Variants in LMNTD1 observed in about 807,000 individuals in gnomAD.
LMNTD1 encodes the protein lamin tail domain-containing protein 1.
Under a neutral mutation model 50.9 loss-of-function variants are expected in LMNTD1, and 35 were observed. The ratio of observed to expected loss-of-function variants is 0.69; its 90% CI spans 0.53 to 0.91. The LOEUF (loss-of-function observed/expected upper bound fraction) is 0.91. LMNTD1 is among the 40% of genes least tolerant of loss of function. The probability of loss-of-function intolerance (pLI) is 0.00; values close to 1 mark genes in which losing one functional copy is unlikely to be tolerated. For missense variants in LMNTD1, 470 were observed against 475.5 expected (o/e 0.99, Z 0.11); for synonymous variants, 153 against 161.9 (o/e 0.94, Z 0.42).
At chr12:25,532,402 C>T (rs1157984094) in intron 4 of LMNTD1, among the ~76,000 whole-genome samples, 1 of 152,122 alleles carries the variant, frequency 6.6e-6, no homozygotes, top group Non-Finnish European at 1.5e-5. Context: ...AAGTGACCCT[C>T]CATTTTTTTT....
chr12:25,522,636 A>G (rs1488890112), intron 6 of LMNTD1, among the ~76,000 whole-genome samples: 1 of 152,186 alleles, frequency 6.6e-6, no homozygotes, highest in Non-Finnish European at 1.5e-5. Context: ...CAGCCCTTCA[A>G]TGAGTTCCTA....
At chr12:25,581,580 T>C (rs1355524850) in intron 1 of LMNTD1, among the ~76,000 whole-genome samples, 4 of 152,210 alleles carry the variant, frequency 2.6e-5, no homozygotes, top group Non-Finnish European at 4.4e-5. Context: ...AATTCTGACA[T>C]AAAAACTGAC....
rs10699058 is a variant in LMNTD1 at position 25,583,188 on chromosome 12, A to ATTTTTTTTT, written c.59-36643_59-36635dup. ...AGGTGCCCGCCACTGCGCCTGGCTA[A>ATTTTTTTTT]TTTTTTTTTTTTGTATTTTTAGTAG... On this transcript the variant is annotated intron_variant, in intron 1 of 7. Coordinates refer to the LMNTD1 transcript ENST00000445693. 4.8e-4 allele frequency among the ~76,000 whole-genome samples: 67 copies of ATTTTTTTTT among 139,204 alleles called. 1 individual carries two copies. The highest frequency in any genetic ancestry group is 1.5e-3 in the African/African-American group (58 of 37,836). 91.3% of individuals were successfully genotyped at this position (139,204 alleles called of 152,430 possible).
intron 8 of LMNTD1, among the ~76,000 whole-genome samples, chr12:25,514,608 T>C (rs184605981): frequency 6.4e-4 from 97 of 151,448 alleles, no homozygotes; most frequent in Non-Finnish European, 1.0e-3. Flanking sequence ...GATAGTACAA[T>C]AGGGTGACTA....
intron 1 of LMNTD1, among the ~76,000 whole-genome samples, chr12:25,574,795 G>T (rs1261578917): frequency 6.6e-6 from 1 of 152,126 alleles, no homozygotes; most frequent in Non-Finnish European, 1.5e-5. Flanking sequence ...GCACAGAATA[G>T]ACACCTTGTA....
chr12:25,526,945 C>A lies in LMNTD1; in HGVS notation c.502G>T (p.Asp168Tyr). The A allele has an allele frequency of 6.2e-7, 1 of 1,601,370 alleles. No homozygotes were observed. Among genetic ancestry groups the A allele is most frequent in the Non-Finnish European group, 8.5e-7 (1 of 1,174,220 alleles). Residue 168 changes from aspartate (D) to tyrosine (Y), a missense_variant, in exon 5 of 10, where the codon GAT (aspartate) becomes TAT (tyrosine). Transcript: ENST00000458174. ...ACATTCACTTCAGCTATTTCAACAT[C>A]TCCAAGAGAACTAGAAAATAAAACA... ...VGQFTSSSLGDVEIAEVNVKG... is the reference protein window; with the variant it reads ...VGQFTSSSLGYVEIAEVNVKG...
chr12:25,515,324 T>G (rs1940674505), intron 8 of LMNTD1, among the ~76,000 whole-genome samples: 1 of 152,088 alleles, frequency 6.6e-6, no homozygotes, highest in Admixed American at 6.6e-5. Flanking sequence ...ATGGTTAAAG[T>G]GACTGAATTA....
At chr12:25,521,078 T>C (rs1565965414) in intron 6 of LMNTD1, among the ~76,000 whole-genome samples, 1 of 152,182 alleles carries the variant, frequency 6.6e-6, no homozygotes, top group Non-Finnish European at 1.5e-5. Flanking sequence ...TGCTATTGAG[T>C]TGTAAGAGTT....
At chr12:25,593,538 T>G (rs1945762993) in intron 1 of LMNTD1, among the ~76,000 whole-genome samples, 1 of 152,054 alleles carries the variant, frequency 6.6e-6, no homozygotes, top group Non-Finnish European at 1.5e-5. Context: ...GACCATCCCA[T>G]GGGACAAAAA....
chr12:25,543,955 A>G lies in LMNTD1; in HGVS notation c.491+2419T>C, dbSNP rs190069623. Among the ~76,000 whole-genome samples the G allele has an allele frequency of 3.9e-5, 6 of 152,064 alleles. No individual in the cohort carries two copies. In the East Asian group the frequency reaches 1.2e-3, roughly 29 times the overall value. On this transcript the variant is annotated intron_variant, in intron 4 of 9. Coordinates refer to ENST00000458174, the MANE Select transcript of LMNTD1 (RefSeq NM_001145728.2). ...CAATGTGGTCACAAAAGTACTTGAC[A>G]TAATTTTTACTTTTTTGATATTTGT...
At chr12:25,525,366 G>A (rs1941632498) in intron 6 of LMNTD1, among the ~76,000 whole-genome samples, 1 of 152,062 alleles carries the variant, frequency 6.6e-6, no homozygotes, top group African/African-American at 2.4e-5. Flanking sequence ...TTAGTTCCTT[G>A]GTGCAGATCT....
upstream of LMNTD1, among the ~76,000 whole-genome samples, chr12:25,553,509 T>C (rs1943895131): frequency 6.6e-6 from 1 of 152,174 alleles, no homozygotes; most frequent in Non-Finnish European, 1.5e-5. Context: ...AAGGCCAGTA[T>C]GTACATACTG....
chr12:25,611,117 T>A (rs558600765), intron 1 of LMNTD1, among the ~76,000 whole-genome samples: 1 of 152,268 alleles, frequency 6.6e-6, no homozygotes, highest in Admixed American at 6.5e-5. Context: ...GGACAAAGTT[T>A]TAACCTCAAA....
At chr12:25,548,700 C>A (rs1007233529) in intron 3 of LMNTD1, among the ~76,000 whole-genome samples, 1 of 151,870 alleles carries the variant, frequency 6.6e-6, no homozygotes, top group Non-Finnish European at 1.5e-5. Flanking sequence ...CGGAAACACA[C>A]CCTCAAAGTT....
At chr12:25,527,699 C>T (rs1259893598) in intron 4 of LMNTD1, among the ~76,000 whole-genome samples, 93 of 99,532 alleles carry the variant, frequency 9.3e-4, no homozygotes, top group African/African-American at 3.7e-3. Flanking sequence ...CACACACACA[C>T]ACACACACAC....
At chr12:25,579,454 T>C (rs1031338943) in intron 1 of LMNTD1, among the ~76,000 whole-genome samples, 1 of 152,152 alleles carries the variant, frequency 6.6e-6, no homozygotes, top group Admixed American at 6.6e-5. Flanking sequence ...GATTCTGGCA[T>C]CTGCAGAAGG....
At chr12:25,565,705 C>A (rs1002091877) in intron 1 of LMNTD1, among the ~76,000 whole-genome samples, 1 of 152,142 alleles carries the variant, frequency 6.6e-6, no homozygotes, top group Non-Finnish European at 1.5e-5. Flanking sequence ...CAGATGACTT[C>A]TTTTTGCTCA....
At chr12:25,519,461 G>GCCTGTAGT (rs1464100442) in intron 7 of LMNTD1, among the ~76,000 whole-genome samples, 1 of 151,666 alleles carries the variant, frequency 6.6e-6, no homozygotes, top group East Asian at 1.9e-4. Context: ...GGTGGTGGGC[G>GCCTGTAGT]CCTGTAGTCC....
intron 1 of LMNTD1, among the ~76,000 whole-genome samples, chr12:25,587,801 T>C (rs920732223): frequency 1.3e-5 from 2 of 152,238 alleles, no homozygotes; most frequent in African/African-American, 4.8e-5. Flanking sequence ...AATAATTGTT[T>C]GTTGAACTGA....
Sources: allele counts gnomAD v4.1 joint callset (sites outside exome capture counted in the v4.1 genomes callset), GRCh38; gene constraint gnomAD v4.1.1; transcripts MANE v1.5; gene names NCBI Gene and HGNC (gene_info 2026-07-23, HGNC 2026-07-21).